The following FAM53A variants were observed in gnomAD, a reference collection of about 807,000 sequenced individuals.
FAM53A encodes the protein family with sequence similarity 53 member A, also known as protein FAM53A.
Under a neutral mutation model 26.6 loss-of-function variants are expected in FAM53A, and 28 were observed. The ratio of observed to expected loss-of-function variants is 1.05; its 90% CI spans 0.78 to 1.45. The LOEUF is 1.45. Ranked by LOEUF, FAM53A falls within the 40% of genes most tolerant of loss-of-function variation. The pLI, the probability that FAM53A is intolerant of heterozygous loss-of-function variation, is 0.00. For missense variants in FAM53A, 650 were observed against 575.8 expected, an observed-to-expected ratio of 1.13 and a Z score of -1.32; for synonymous variants, 290 against 253.1, an observed-to-expected ratio of 1.15 and a Z score of -1.38.
chr4:1,612,888 C>T, the FAM53A span, among the ~76,000 whole-genome samples: 1 of 152,184 alleles, frequency 6.6e-6, no homozygotes, highest in Admixed American at 6.5e-5. Context: ...CACATGGCAC[C>T]CACTTACACA....
downstream of FAM53A, among the ~76,000 whole-genome samples, chr4:1,635,661 C>A (rs114756073): frequency 6.6e-6 from 1 of 152,210 alleles, no homozygotes; most frequent in African/African-American, 2.4e-5. Context: ...TCCACAAGCA[C>A]GGATCTGCCG....
downstream of FAM53A, among the ~76,000 whole-genome samples, chr4:1,637,217 G>T (rs945582692): frequency 2.0e-5 from 3 of 152,158 alleles, no homozygotes; most frequent in Admixed American, 1.3e-4. Flanking sequence ...GATGGCCAGA[G>T]AATAGGCCCA....
chr4:1,626,623 C>T (rs545886807), intron 1 of FAM53A, among the ~76,000 whole-genome samples: 139 of 148,710 alleles, frequency 9.3e-4, no homozygotes, highest in Non-Finnish European at 1.8e-3. Flanking sequence ...ATCTGGGGGA[C>T]CCGGGACAGT....
chr4:1,592,777 C>G, the FAM53A span, among the ~76,000 whole-genome samples: 1 of 152,150 alleles, frequency 6.6e-6, no homozygotes, highest in Non-Finnish European at 1.5e-5. Flanking sequence ...CCCCTGCCAT[C>G]GCTGCCCACA....
chr4:1,651,254 G>A (rs1298348341), intron 4 of FAM53A, among the ~76,000 whole-genome samples: 8 of 142,890 alleles, frequency 5.6e-5, no homozygotes, highest in Non-Finnish European at 1.2e-4. Context: ...AGAGAGGGCC[G>A]GGCACGGTGG....
At chr4:1,617,868 A>G, downstream of FAM53A, 1 of 369,250 alleles carries the variant, frequency 2.7e-6, no homozygotes, top group Non-Finnish European at 5.4e-6. Context: ...CACCCCTTGA[A>G]GGGAGCGCCT....
At chr4:1,611,360 TC>T in the FAM53A span, among the ~76,000 whole-genome samples, 1 of 151,856 alleles carries the variant, frequency 6.6e-6, no homozygotes, top group African/African-American at 2.4e-5. Flanking sequence ...GCAGTCAGTC[TC>T]CCCCCGTCCT....
chr4:1,590,209 T>A, the FAM53A span, among the ~76,000 whole-genome samples: 1 of 152,242 alleles, frequency 6.6e-6, no homozygotes. Context: ...TTATTTATTG[T>A]ATTGCATTAT....
intron 1 of FAM53A, among the ~76,000 whole-genome samples, chr4:1,619,347 G>T (rs146090234): frequency 6.6e-6 from 1 of 152,178 alleles, no homozygotes; most frequent in Non-Finnish European, 1.5e-5. Context: ...GCCTCACCAG[G>T]GCAGGCAAGG....
At chr4:1,665,243 G>A (rs4865433) in intron 2 of FAM53A, among the ~76,000 whole-genome samples, 86,168 of 151,728 alleles carry the variant, frequency 0.57, 25,880 homozygotes, top group East Asian at 0.89. Context: ...GCTTGAATGC[G>A]GGAGGCAGAG....
intron 4 of FAM53A, among the ~76,000 whole-genome samples, chr4:1,643,898 C>T (rs1454046973): frequency 6.6e-6 from 1 of 152,190 alleles, no homozygotes; most frequent in African/African-American, 2.4e-5. Flanking sequence ...CAACTGGCCA[C>T]ATGTTTTGGT....
the FAM53A span, among the ~76,000 whole-genome samples, chr4:1,607,769 T>C: frequency 1.3e-5 from 2 of 152,078 alleles, no homozygotes; most frequent in South Asian, 2.1e-4. Context: ...GGAGAAACCA[T>C]GTCTCTACTA....
intron 2 of FAM53A, among the ~76,000 whole-genome samples, chr4:1,657,840 CG>C (rs1477823383): frequency 6.6e-6 from 1 of 151,798 alleles, no homozygotes; most frequent in South Asian, 2.1e-4. Flanking sequence ...AGGGTTTCAC[CG>C]TGTTAGCCAG....
chr4:1,594,939 G>C, the FAM53A span, among the ~76,000 whole-genome samples: 1 of 152,238 alleles, frequency 6.6e-6, no homozygotes, highest in African/African-American at 2.4e-5. Flanking sequence ...GTGTGGAGGG[G>C]GAAGTCTGTT....
chr4:1,665,701 T>G (rs1032313293), intron 2 of FAM53A, among the ~76,000 whole-genome samples: 8 of 152,114 alleles, frequency 5.3e-5, no homozygotes, highest in Non-Finnish European at 7.4e-5. Flanking sequence ...CAGGCTGTGA[T>G]GGAACCCCCG....
At chr4:1,594,456 AC>A in the FAM53A span, among the ~76,000 whole-genome samples, 3 of 151,840 alleles carry the variant, frequency 2.0e-5, no homozygotes, top group Non-Finnish European at 4.4e-5. Flanking sequence ...CACAAAAGGC[AC>A]CCCCCACGGT....
downstream of FAM53A, among the ~76,000 whole-genome samples, chr4:1,614,225 G>A (rs1714724662): frequency 6.6e-6 from 1 of 152,170 alleles, no homozygotes; most frequent in African/African-American, 2.4e-5. Context: ...GGGGCTTGTG[G>A]AAAGGGTGTC....
the FAM53A span, among the ~76,000 whole-genome samples, chr4:1,604,555 A>C: frequency 1.3e-5 from 2 of 151,826 alleles, no homozygotes; most frequent in Non-Finnish European, 2.9e-5. Flanking sequence ...CTGGCCTCAC[A>C]ACTGAGACTC....
At chr4:1,578,195 T>C in the FAM53A span, among the ~76,000 whole-genome samples, 2 of 152,246 alleles carry the variant, frequency 1.3e-5, no homozygotes, top group Non-Finnish European at 2.9e-5. Flanking sequence ...GGCTAGGTTT[T>C]GTTTTGTGCC....
Sources: gnomAD v4.1 joint callset for allele counts (sites outside exome capture counted in the v4.1 genomes callset) on GRCh38, gnomAD v4.1.1 for gene constraint, MANE v1.5 for transcripts, NCBI Gene and HGNC (gene_info 2026-07-23, HGNC 2026-07-21) for gene names.